Variants in ZNF804B observed in about 807,000 individuals in gnomAD.
ZNF804B encodes the protein zinc finger 804B.
In ZNF804B, 80 loss-of-function variants were observed where a neutral mutation model predicts 101.4. The observed-to-expected ratio is 0.79, with a 90% CI of 0.66 to 0.95. ZNF804B has a LOEUF of 0.95. ZNF804B is among the 40% of genes least tolerant of loss of function. The probability of loss-of-function intolerance (pLI) is 0.00; values close to 1 mark genes in which losing one functional copy is unlikely to be tolerated. For synonymous variants in ZNF804B, 622 were observed against 558.8 expected, an observed-to-expected ratio of 1.11 and a Z score of -1.59; for missense variants, 1,673 against 1,561.9, an observed-to-expected ratio of 1.07 and a Z score of -1.20.
intron 1 of ZNF804B, among the ~76,000 whole-genome samples, chr7:88,811,194 G>A (rs1562800331): frequency 6.6e-6 from 1 of 152,108 alleles, no homozygotes; most frequent in Non-Finnish European, 1.5e-5. Flanking sequence ...TCAAAGTGTT[G>A]CACTGGGGTT....
At chr7:89,196,722 T>G (rs1024589563) in intron 1 of ZNF804B, among the ~76,000 whole-genome samples, 4 of 151,420 alleles carry the variant, frequency 2.6e-5, no homozygotes, top group African/African-American at 9.7e-5. Context: ...TTGCAATCTA[T>G]CCATCCAAAA....
chr7:89,150,874 G>A (rs568688034), intron 1 of ZNF804B, among the ~76,000 whole-genome samples: 1 of 152,152 alleles, frequency 6.6e-6, no homozygotes, highest in East Asian at 1.9e-4. Context: ...GATATTGTGA[G>A]GCCTTTAGTT....
At chr7:89,280,779 A>G (rs1329534644) in intron 2 of ZNF804B, among the ~76,000 whole-genome samples, 2 of 152,250 alleles carry the variant, frequency 1.3e-5, no homozygotes, top group Non-Finnish European at 2.9e-5. Flanking sequence ...TACCAATCAA[A>G]AAGAGTCCAG....
rs77635234 is a variant in ZNF804B, at chr7:89,107,175, A to G, written c.109-110980A>G. Among the ~76,000 whole-genome samples the G allele has an allele frequency of 9.5e-3, 1,453 of 152,254 alleles. 46 individuals are homozygous for G. The East Asian group carries it at 0.099, about 10-fold the overall frequency. Reference sequence around the variant, plus strand: ...ACCACTTTTTATTTATAATGTATTCATAAAGTTTTAGATTATAATAGTGGA... The same window carrying G: ...ACCACTTTTTATTTATAATGTATTCGTAAAGTTTTAGATTATAATAGTGGA... On this transcript the variant is annotated intron_variant, in intron 1 of 3. Coordinates refer to ENST00000333190, the MANE Select transcript of ZNF804B (RefSeq NM_181646.5).
chr7:89,269,180 A>G (rs907681010), intron 2 of ZNF804B, among the ~76,000 whole-genome samples: 3 of 152,102 alleles, frequency 2.0e-5, no homozygotes, highest in South Asian at 2.1e-4. Flanking sequence ...CGTCATTTAC[A>G]TTAGGTACAT....
At chr7:88,905,595 G>T (rs1792457988) in intron 1 of ZNF804B, among the ~76,000 whole-genome samples, 1 of 152,118 alleles carries the variant, frequency 6.6e-6, no homozygotes, top group Non-Finnish European at 1.5e-5. Flanking sequence ...CTGACCTCAG[G>T]TGATCTCTCC....
chr7:89,070,252 T>C (rs915186508), intron 1 of ZNF804B, among the ~76,000 whole-genome samples: 1 of 152,204 alleles, frequency 6.6e-6, no homozygotes, highest in Non-Finnish European at 1.5e-5. Context: ...TATTATGTTT[T>C]GTTTTTGAGA....
At chr7:88,946,934 T>C (rs1793142474) in intron 1 of ZNF804B, among the ~76,000 whole-genome samples, 1 of 151,984 alleles carries the variant, frequency 6.6e-6, no homozygotes, top group African/African-American at 2.4e-5. Context: ...TCACTTGTCA[T>C]TAGAGAAATG....
chr7:88,952,914 A>G (rs762721136), intron 1 of ZNF804B, among the ~76,000 whole-genome samples: 4 of 151,808 alleles, frequency 2.6e-5, no homozygotes, highest in Non-Finnish European at 4.4e-5. Context: ...TACTGATCAC[A>G]TGGTACCTGA....
chr7:89,292,444 C>T (rs1362453776), intron 2 of ZNF804B, among the ~76,000 whole-genome samples: 1 of 151,968 alleles, frequency 6.6e-6, no homozygotes, highest in Admixed American at 6.6e-5. Flanking sequence ...TTTCTTTTTG[C>T]TTGTTCATTT....
rs201036487 is a variant in ZNF804B at position 89,112,134 on chromosome 7, C to T, written c.109-106021C>T. On this transcript the variant is annotated intron_variant, in intron 1 of 3. Coordinates refer to ENST00000333190, the MANE Select transcript of ZNF804B (RefSeq NM_181646.5). ...AAAAAAAAAAAAAAAGTTAAAATGG[C>T]AACACTTTTATGTCATATACATTTT... Among the ~76,000 whole-genome samples, 6 of 76,408 alleles carry T rather than the reference C, an allele frequency of 7.9e-5. No homozygotes were observed. The East Asian group carries it at 3.4e-3, about 43-fold the overall frequency. The allele number at this position is 76,408 out of a possible 152,430, so 50.1% of individuals were successfully genotyped here. A position where few individuals can be genotyped will look rare whatever the true frequency, so the allele number is the denominator to read the frequency against.
chr7:88,868,112 T>A (rs1791763207), intron 1 of ZNF804B, among the ~76,000 whole-genome samples: 1 of 150,976 alleles, frequency 6.6e-6, no homozygotes, highest in African/African-American at 2.4e-5. Context: ...AAGCAACAAA[T>A]GCTGCCATGA....
intron 1 of ZNF804B, among the ~76,000 whole-genome samples, chr7:89,031,987 A>C (rs999232950): frequency 4.6e-5 from 7 of 152,002 alleles, no homozygotes; most frequent in Non-Finnish European, 1.5e-5. Flanking sequence ...TTCTTGATAC[A>C]ACCTGTTCAG....
chr7:89,003,734 C>T (rs1338997948), intron 1 of ZNF804B, among the ~76,000 whole-genome samples: 1 of 151,824 alleles, frequency 6.6e-6, no homozygotes, highest in Admixed American at 6.6e-5. Flanking sequence ...CCTCGTGCTG[C>T]CTCTTACATT....
At position 89,279,402 on chromosome 7, in the gene ZNF804B, G is replaced by T. The variant is rs958294042; in HGVS notation, c.250-47942G>T. Among the ~76,000 whole-genome samples, 546 of 150,678 alleles carry T rather than the reference G, an allele frequency of 3.6e-3. 3 individuals carry two copies. The highest frequency in any genetic ancestry group is 0.013 in the African/African-American group (522 of 40,874). On this transcript the variant is annotated intron_variant, in intron 2 of 3. Coordinates refer to ENST00000333190, the MANE Select transcript of ZNF804B (RefSeq NM_181646.5). ...TCCAACACTATGTTGAATAGGAGTG[G>T]TGAGAGAGGGCATCCCTGTCTTGTG...
intron 2 of ZNF804B, among the ~76,000 whole-genome samples, chr7:89,242,622 A>G (rs1789388037): frequency 6.6e-6 from 1 of 151,788 alleles, no homozygotes; most frequent in African/African-American, 2.4e-5. Context: ...AGGTCATATT[A>G]TACATTGAAA....
At chr7:89,195,810 A>C (rs1294401520) in intron 1 of ZNF804B, among the ~76,000 whole-genome samples, 1 of 151,850 alleles carries the variant, frequency 6.6e-6, no homozygotes, top group African/African-American at 2.4e-5. Flanking sequence ...CAATTGCTTA[A>C]AAAAAAGAAG....
chr7:89,223,051 A>G (rs1789030103), intron 2 of ZNF804B, among the ~76,000 whole-genome samples: 2 of 152,006 alleles, frequency 1.3e-5, no homozygotes, highest in Middle Eastern at 3.4e-3. Context: ...TCAAAGCTAA[A>G]TCTGTCCATT....
chr7:89,262,788 A>C (rs1789729774), intron 2 of ZNF804B, among the ~76,000 whole-genome samples: 1 of 152,134 alleles, frequency 6.6e-6, no homozygotes, highest in Admixed American at 6.6e-5. Flanking sequence ...TATTTCAAAA[A>C]TCTCTAATAA....
Sources: allele counts gnomAD v4.1 joint callset (sites outside exome capture counted in the v4.1 genomes callset), GRCh38; gene constraint gnomAD v4.1.1; transcripts MANE v1.5; gene names NCBI Gene and HGNC (gene_info 2026-07-23, HGNC 2026-07-21).